LSAMP: variants seen among roughly 807,000 people sequenced by gnomAD.
LSAMP encodes the protein limbic system-associated membrane protein.
In LSAMP, 7 loss-of-function variants were observed where a neutral mutation model predicts 38.6. The observed-to-expected ratio is 0.18, with a 90% CI of 0.10 to 0.34. The LOEUF is 0.34. Ranked by LOEUF, LSAMP falls within the 10% of genes least tolerant of loss-of-function variation. The pLI is 1.00. For synonymous variants in LSAMP, 154 were observed against 166.8 expected, an observed-to-expected ratio of 0.92 and a Z score of 0.59; for missense variants, 313 against 420.0, an observed-to-expected ratio of 0.75 and a Z score of 2.23.
At chr3:116,029,475 A>G (rs1940869381) in intron 2 of LSAMP, among the ~76,000 whole-genome samples, 1 of 149,674 alleles carries the variant, frequency 6.7e-6, no homozygotes, top group Admixed American at 6.6e-5. Context: ...AGTGATTACT[A>G]ATGCTACATT....
chr3:116,254,639 C>T (rs1245601370), intron 1 of LSAMP, among the ~76,000 whole-genome samples: 1 of 152,086 alleles, frequency 6.6e-6, no homozygotes, highest in Admixed American at 6.6e-5. Context: ...AGTGAGGGCC[C>T]CTAACATCAT....
At chr3:116,221,417 C>T (rs2046283548) in intron 1 of LSAMP, among the ~76,000 whole-genome samples, 1 of 152,176 alleles carries the variant, frequency 6.6e-6, no homozygotes, top group South Asian at 2.1e-4. Flanking sequence ...TGTCCACTCT[C>T]CCATCCCAGC....
chr3:116,258,086 G>A lies in LSAMP; in HGVS notation c.156-171530C>T, dbSNP rs1020195940. On this transcript the variant is annotated intron_variant, in intron 1 of 6. Coordinates refer to ENST00000490035, the MANE Select transcript of LSAMP (RefSeq NM_002338.5). ...CTTGTCACCCTTTTTACTTTTGACTGATTCTTTGATTTCAGCTTGTTTTCT... is the reference window on the plus strand; with the variant it reads ...CTTGTCACCCTTTTTACTTTTGACTAATTCTTTGATTTCAGCTTGTTTTCT... Among the ~76,000 whole-genome samples the A allele has an allele frequency of 2.0e-5, 3 of 152,000 alleles. No homozygotes were observed. The East Asian group carries it at 5.8e-4, about 29-fold the overall frequency.
At chr3:116,135,588 C>T (rs1186916357) in intron 1 of LSAMP, among the ~76,000 whole-genome samples, 1 of 152,154 alleles carries the variant, frequency 6.6e-6, no homozygotes, top group Non-Finnish European at 1.5e-5. Context: ...GCCCTACTGC[C>T]TGACCAGTAC....
intron 1 of LSAMP, among the ~76,000 whole-genome samples, chr3:116,283,753 C>T (rs2047158824): frequency 6.6e-6 from 1 of 152,182 alleles, no homozygotes; most frequent in Non-Finnish European, 1.5e-5. Flanking sequence ...GAAAATGGCA[C>T]TTTCCTCCTC....
chr3:115,948,219 T>A (rs1226722463), intron 3 of LSAMP, among the ~76,000 whole-genome samples: 2 of 152,214 alleles, frequency 1.3e-5, no homozygotes, highest in African/African-American at 2.4e-5. Flanking sequence ...TTTTATTGAA[T>A]GAAGATTTCA....
intron 6 of LSAMP, among the ~76,000 whole-genome samples, chr3:115,834,967 G>T (rs1394276064): frequency 6.6e-6 from 1 of 151,942 alleles, no homozygotes; most frequent in African/African-American, 2.4e-5. Flanking sequence ...CTTGGTCTTG[G>T]TTCTCGTCTC....
intron 1 of LSAMP, among the ~76,000 whole-genome samples, chr3:116,374,543 A>G (rs556024034): frequency 1.3e-5 from 2 of 152,100 alleles, no homozygotes; most frequent in South Asian, 4.1e-4. Context: ...TCAATCATAT[A>G]GAGATGAAAT....
At chr3:116,236,503 C>G (rs551003861) in intron 1 of LSAMP, among the ~76,000 whole-genome samples, 1 of 152,216 alleles carries the variant, frequency 6.6e-6, no homozygotes, top group East Asian at 1.9e-4. Flanking sequence ...TTTTCACTCA[C>G]TATTGGTGCC....
intron 2 of LSAMP, among the ~76,000 whole-genome samples, chr3:116,071,476 G>T (rs1199123468): frequency 6.6e-6 from 1 of 151,928 alleles, no homozygotes; most frequent in Non-Finnish European, 1.5e-5. Context: ...AAAATATTTT[G>T]TTATATTTTA....
intron 1 of LSAMP, among the ~76,000 whole-genome samples, chr3:116,174,749 A>T (rs1201614767): frequency 6.6e-6 from 1 of 151,882 alleles, no homozygotes; most frequent in East Asian, 1.9e-4. Flanking sequence ...AACAATACTC[A>T]CTCAATCCAA....
intron 3 of LSAMP, among the ~76,000 whole-genome samples, chr3:115,951,380 A>C (rs749867816): frequency 6.6e-6 from 1 of 152,218 alleles, no homozygotes; most frequent in Non-Finnish European, 1.5e-5. Flanking sequence ...TGCATCTGAC[A>C]AAGGACTAAT....
intron 3 of LSAMP, among the ~76,000 whole-genome samples, chr3:115,856,626 A>G (rs1323641385): frequency 1.3e-5 from 2 of 151,996 alleles, no homozygotes; most frequent in South Asian, 2.1e-4. Flanking sequence ...CTCAAAAAAA[A>G]AAAAAAGAAA....
At chr3:116,256,387 A>G (rs2046751724) in intron 1 of LSAMP, among the ~76,000 whole-genome samples, 1 of 152,242 alleles carries the variant, frequency 6.6e-6, no homozygotes, top group Middle Eastern at 3.4e-3. Context: ...TACTGAAGAA[A>G]ACACTGGTTT....
At chr3:116,434,343 A>T (rs2049318895) in intron 1 of LSAMP, among the ~76,000 whole-genome samples, 1 of 152,218 alleles carries the variant, frequency 6.6e-6, no homozygotes, top group South Asian at 2.1e-4. Flanking sequence ...AAGCAAATGA[A>T]ATGCCTATAT....
At chr3:115,892,549 C>T (rs1038659653) in intron 3 of LSAMP, among the ~76,000 whole-genome samples, 3 of 151,874 alleles carry the variant, frequency 2.0e-5, no homozygotes, top group Non-Finnish European at 2.9e-5. Flanking sequence ...AGGGGTTACC[C>T]TTCTAGCAGG....
In LSAMP at chr3:116,035,507, G is replaced by A. The variant is rs141926913; in HGVS notation, c.389-15867C>T. 4.4e-3 allele frequency among the ~76,000 whole-genome samples: 669 copies of A among 152,214 alleles called. 2 individuals are homozygous for A. The highest frequency in any genetic ancestry group is 0.01 in the Middle Eastern group (3 of 294). On this transcript the variant is annotated intron_variant, in intron 2 of 6. Transcript: ENST00000490035. ...TGAGTGACACTTTACATAGACGTGT[G>A]AATTTTCCAAATGCAGATCTAGCCT...
At chr3:116,019,954 G>A (rs1940591913) in intron 2 of LSAMP, among the ~76,000 whole-genome samples, 1 of 152,034 alleles carries the variant, frequency 6.6e-6, no homozygotes, top group Admixed American at 6.6e-5. Flanking sequence ...TAGACAGCAT[G>A]CACATTTATG....
At chr3:115,927,870 C>T (rs965495100) in intron 3 of LSAMP, among the ~76,000 whole-genome samples, 15 of 152,188 alleles carry the variant, frequency 9.9e-5, no homozygotes, top group African/African-American at 3.1e-4. Context: ...AGCAACCTTG[C>T]TCCAGCCACA....
Sources: allele counts gnomAD v4.1 joint callset (sites outside exome capture counted in the v4.1 genomes callset), GRCh38; gene constraint gnomAD v4.1.1; transcripts MANE v1.5; gene names NCBI Gene and HGNC (gene_info 2026-07-23, HGNC 2026-07-21).